Variants in MLLT3 observed in about 807,000 individuals in gnomAD.
MLLT3 encodes MLLT3 super elongation complex subunit.
Under a neutral mutation model 53.2 loss-of-function variants are expected in MLLT3, and 4 were observed. That is an observed-to-expected ratio of 0.08 (90% confidence interval 0.04 to 0.17). The LOEUF is 0.17. MLLT3 is among the 10% of genes least tolerant of loss of function. The pLI, the probability that MLLT3 is intolerant of heterozygous loss-of-function variation, is 1.00. For synonymous variants in MLLT3, 283 were observed against 230.6 expected, an observed-to-expected ratio of 1.23 and a Z score of -2.06; for missense variants, 569 against 684.0, an observed-to-expected ratio of 0.83 and a Z score of 1.87.
intron 2 of MLLT3, among the ~76,000 whole-genome samples, chr9:20,475,648 C>G (rs1409265634): frequency 5.9e-5 from 9 of 152,080 alleles, no homozygotes; most frequent in Non-Finnish European, 1.3e-4. Context: ...AAAACAAAAC[C>G]TGGTTCAGGT....
intron 4 of MLLT3, among the ~76,000 whole-genome samples, chr9:20,445,995 A>G (rs1823686687): frequency 1.3e-5 from 2 of 152,340 alleles, no homozygotes; most frequent in Middle Eastern, 3.4e-3. Flanking sequence ...CCAGGTATCA[A>G]TAATATAAGG....
chr9:20,484,615 T>C (rs1824759256), intron 2 of MLLT3, among the ~76,000 whole-genome samples: 2 of 152,170 alleles, frequency 1.3e-5, no homozygotes, highest in African/African-American at 4.8e-5. Flanking sequence ...CCGCCATGAT[T>C]TCTCTGCATC....
At chr9:20,363,377 G>GT in intron 7 of MLLT3, 99 bp downstream of exon 7, 2 of 1,447,820 alleles carry the variant, frequency 1.4e-6, no homozygotes, top group Non-Finnish European at 1.9e-6. Flanking sequence ...ATCTACTGCC[G>GT]TTTTTGGTGT....
intron 2 of MLLT3, among the ~76,000 whole-genome samples, chr9:20,607,282 G>C (rs1485566696): frequency 6.6e-6 from 1 of 151,976 alleles, no homozygotes; most frequent in Non-Finnish European, 1.5e-5. Flanking sequence ...TTGCAGTTAA[G>C]ACATCTATAT....
intron 7 of MLLT3, among the ~76,000 whole-genome samples, chr9:20,361,691 G>GA (rs1307729092): frequency 2.0e-5 from 3 of 152,092 alleles, no homozygotes; most frequent in Non-Finnish European, 2.9e-5. Context: ...CTTTTCAGAA[G>GA]AAAATGGAAT....
chr9:20,351,032 G>A (rs181335023), intron 10 of MLLT3, among the ~76,000 whole-genome samples: 7 of 152,244 alleles, frequency 4.6e-5, no homozygotes, highest in Admixed American at 2.6e-4. Flanking sequence ...TGGAAAGCAC[G>A]GACAACCACC....
Position 20,603,798 on chromosome 9 carries a change from T to C in MLLT3, c.193+16856A>G, listed in dbSNP as rs1254148654. On this transcript the variant is annotated intron_variant, in intron 2 of 10. Coordinates refer to ENST00000380338, the MANE Select transcript of MLLT3 (RefSeq NM_004529.4). ...GCAGTTTTCACTGATAAAGTACTTA[T>C]AGACCAGTTATTTTAGATTAATGAA... Among the ~76,000 whole-genome samples the C allele has an allele frequency of 2.0e-5, 3 of 152,080 alleles. No individual in the cohort carries two copies. In the East Asian group the frequency reaches 5.8e-4, roughly 29 times the overall value.
At chr9:20,388,469 T>G (rs1301354561) in intron 5 of MLLT3, among the ~76,000 whole-genome samples, 2 of 151,940 alleles carry the variant, frequency 1.3e-5, no homozygotes, top group African/African-American at 4.8e-5. Flanking sequence ...GCGCCTATAG[T>G]CCCAGCTACT....
At chr9:20,550,934 A>C (rs1818910143) in intron 2 of MLLT3, among the ~76,000 whole-genome samples, 1 of 151,426 alleles carries the variant, frequency 6.6e-6, no homozygotes, top group South Asian at 2.1e-4. Flanking sequence ...AATTTTTTTC[A>C]TTTTTTTCTT....
chr9:20,594,877 C>T (rs182563846), intron 2 of MLLT3, among the ~76,000 whole-genome samples: 210 of 152,264 alleles, frequency 1.4e-3, no homozygotes, highest in African/African-American at 5.0e-3. Context: ...CCCTCAGTTC[C>T]AGGAATTGCC....
chr9:20,432,963 T>C (rs1823314804), intron 4 of MLLT3, among the ~76,000 whole-genome samples: 1 of 152,248 alleles, frequency 6.6e-6, no homozygotes, highest in Non-Finnish European at 1.5e-5. Context: ...GTATTTACTA[T>C]ACAGTAGGCA....
intron 2 of MLLT3, among the ~76,000 whole-genome samples, chr9:20,508,510 A>G (rs1825441502): frequency 1.3e-5 from 2 of 152,226 alleles, no homozygotes; most frequent in South Asian, 4.1e-4. Context: ...AACTGTAGGG[A>G]GGAACTGAAA....
At chr9:20,622,117 C>T (rs1821036197) in intron 1 of MLLT3, 128 bp downstream of exon 1, 1 of 1,110,048 alleles carries the variant, frequency 9.0e-7, no homozygotes. Context: ...GGCGGCAGCT[C>T]CCTGCAAGCC....
At chr9:20,499,832 A>C (rs1307128919) in intron 2 of MLLT3, among the ~76,000 whole-genome samples, 1 of 152,186 alleles carries the variant, frequency 6.6e-6, no homozygotes, top group African/African-American at 2.4e-5. Flanking sequence ...CAGAAGGCTG[A>C]GGCGAGAGGA....
chr9:20,554,028 G>C (rs748244215), intron 2 of MLLT3, among the ~76,000 whole-genome samples: 5 of 152,074 alleles, frequency 3.3e-5, no homozygotes, highest in Admixed American at 6.6e-5. Flanking sequence ...CCTTGATAAT[G>C]ACTAGTTTCT....
rs2118847206 is a variant in MLLT3, at chr9:20,448,412, AG to A, written c.277-147del. 3.3e-6 allele frequency: 2 copies of A among 614,886 alleles called. No homozygotes were observed. The highest frequency in any genetic ancestry group is 2.8e-5 in the South Asian group (1 of 35,250). The allele number at this position is 614,886 out of a possible 1,614,324, so 38.1% of individuals were successfully genotyped here. On this transcript the variant is annotated intron_variant, in intron 3 of 10. Coordinates refer to ENST00000380338, the MANE Select transcript of MLLT3 (RefSeq NM_004529.4). The surrounding 1 kb of genome is among the most constrained non-coding windows in gnomAD (Gnocchi z 4.0). ...TCAAAGTAGTACTGGGAAAAAAAAA[AG>A]TATCATGGAATCATCAGTGAAACAA... is the stretch of plus-strand genomic sequence containing the variant.
intron 10 of MLLT3, among the ~76,000 whole-genome samples, chr9:20,352,360 A>C (rs1821048936): frequency 6.6e-6 from 1 of 152,256 alleles, no homozygotes; most frequent in Non-Finnish European, 1.5e-5. Flanking sequence ...ATAGATCTGC[A>C]ATCAGCATTA....
chr9:20,520,920 C>T (rs1818040922), intron 2 of MLLT3, among the ~76,000 whole-genome samples: 1 of 152,092 alleles, frequency 6.6e-6, no homozygotes, highest in Admixed American at 6.5e-5. Context: ...GTGGGAGAAG[C>T]AGGACATGTA....
intron 2 of MLLT3, among the ~76,000 whole-genome samples, chr9:20,504,642 G>C (rs1825341097): frequency 6.6e-6 from 1 of 152,060 alleles, no homozygotes; most frequent in Non-Finnish European, 1.5e-5. Context: ...CACTTGATAA[G>C]AGGAATAAGT....
Sources: gnomAD v4.1 joint callset for allele counts (sites outside exome capture counted in the v4.1 genomes callset) on GRCh38, gnomAD v4.1.1 for gene constraint, Gnocchi (gnomAD v3.1) non-coding constraint, MANE v1.5 for transcripts, NCBI Gene and HGNC (gene_info 2026-07-23, HGNC 2026-07-21) for gene names.